KGD4: variants seen among roughly 807,000 people sequenced by gnomAD.
KGD4 encodes alpha-ketoglutarate dehydrogenase component 4.
the KGD4 span, among the ~76,000 whole-genome samples, chr5:69,224,410 A>C: frequency 1.5e-4 from 23 of 151,320 alleles, no homozygotes; most frequent in African/African-American, 5.6e-4. Context: ...AAAGTCTTTT[A>C]TTTGTTTTAC....
At chr5:69,228,285 G>T in the KGD4 span, 2 of 1,609,076 alleles carry the variant, frequency 1.2e-6, no homozygotes, top group East Asian at 2.2e-5. Context: ...CACCAGATTT[G>T]CTGATGTATC....
the KGD4 span, chr5:69,228,418 G>A: frequency 2.8e-4 from 442 of 1,554,714 alleles, 3 homozygotes; most frequent in Non-Finnish European, 6.9e-5. Flanking sequence ...CCAAGACTAC[G>A]CAAAACACCA....
At chr5:69,228,171 A>G in the KGD4 span, 32 of 1,468,992 alleles carry the variant, frequency 2.2e-5, no homozygotes, top group Non-Finnish European at 2.9e-5. Flanking sequence ...CAATTTCTCT[A>G]ATAAGGTCTT....
chr5:69,221,035 G>A, the KGD4 span, among the ~76,000 whole-genome samples: 4 of 152,164 alleles, frequency 2.6e-5, no homozygotes, highest in African/African-American at 7.2e-5. Context: ...ACCCAGGGAC[G>A]TAAACACTGC....
chr5:69,219,059 A>G, the KGD4 span, among the ~76,000 whole-genome samples: 1 of 152,252 alleles, frequency 6.6e-6, no homozygotes, highest in Non-Finnish European at 1.5e-5. Context: ...AAAGGTGCTC[A>G]ATATCATTAC....
chr5:69,217,858 G>C, the KGD4 span: 2 of 1,614,124 alleles, frequency 1.2e-6, no homozygotes, highest in Non-Finnish European at 1.7e-6. Flanking sequence ...GCGTCTGCTA[G>C]TAGGGTCGTT....
the KGD4 span, among the ~76,000 whole-genome samples, chr5:69,222,856 G>A: frequency 1.2e-4 from 18 of 150,456 alleles, no homozygotes; most frequent in East Asian, 7.9e-4. Flanking sequence ...GCTCGATCTC[G>A]GACTTCCACT....
the KGD4 span, among the ~76,000 whole-genome samples, chr5:69,220,238 A>C: frequency 5.9e-5 from 9 of 152,166 alleles, no homozygotes; most frequent in Admixed American, 1.3e-4. Context: ...AAAAAAAAAA[A>C]CAAAAAAACA....
the KGD4 span, among the ~76,000 whole-genome samples, chr5:69,218,994 G>C: frequency 2.0e-5 from 3 of 152,236 alleles, no homozygotes; most frequent in East Asian, 5.8e-4. Context: ...TTAAAAATGG[G>C]TAAAAGACTT....
At chr5:69,219,744 G>C in the KGD4 span, among the ~76,000 whole-genome samples, 20 of 152,064 alleles carry the variant, frequency 1.3e-4, no homozygotes, top group African/African-American at 4.8e-4. Flanking sequence ...AATATCACTT[G>C]AGCCTAGGAG....
the KGD4 span, among the ~76,000 whole-genome samples, chr5:69,227,313 GGGAAAA>G: frequency 6.6e-6 from 1 of 152,134 alleles, no homozygotes; most frequent in Non-Finnish European, 1.5e-5. Context: ...TGCAGAGACT[GGGAAAA>G]TAATAACCAT....
chr5:69,218,198 C>T, the KGD4 span: 1 of 354,316 alleles, frequency 2.8e-6, no homozygotes, highest in South Asian at 5.1e-5. Flanking sequence ...GCGACCCTGG[C>T]GGTAGCCTGG....
the KGD4 span, among the ~76,000 whole-genome samples, chr5:69,220,451 T>A: frequency 6.6e-6 from 1 of 151,742 alleles, no homozygotes; most frequent in African/African-American, 2.4e-5. Flanking sequence ...AGCCAGGAGT[T>A]CAAGATTAGC....
chr5:69,217,962 G>T, the KGD4 span: 181 of 1,602,984 alleles, frequency 1.1e-4, no homozygotes, highest in Non-Finnish European at 1.5e-4. Flanking sequence ...GGTGGCAGAG[G>T]CAGAGCGGTG....
At chr5:69,219,140 A>G in the KGD4 span, among the ~76,000 whole-genome samples, 1 of 152,352 alleles carries the variant, frequency 6.6e-6, no homozygotes, top group Non-Finnish European at 1.5e-5. Flanking sequence ...TTTAGACGTC[A>G]GTGGTGATGA....
At chr5:69,227,178 C>G in the KGD4 span, among the ~76,000 whole-genome samples, 1 of 152,092 alleles carries the variant, frequency 6.6e-6, no homozygotes, top group Admixed American at 6.6e-5. Context: ...CCTTTATTAC[C>G]CCTATTTTAA....
chr5:69,229,504 G>A, the KGD4 span: 1 of 286,800 alleles, frequency 3.5e-6, no homozygotes, highest in Non-Finnish European at 6.4e-6. Flanking sequence ...AACATTACCA[G>A]TGTTGAACTA....
chr5:69,219,341 AAAAG>A, the KGD4 span, among the ~76,000 whole-genome samples: 1 of 152,190 alleles, frequency 6.6e-6, no homozygotes, highest in Non-Finnish European at 1.5e-5. Context: ...TCACAGAAAA[AAAAG>A]AGTTACTAGC....
the KGD4 span, chr5:69,228,533 C>A: frequency 1.4e-6 from 1 of 724,654 alleles, no homozygotes. Context: ...TAGGCCAAGA[C>A]TATGAGAAAG....
Sources: gnomAD v4.1 joint callset for allele counts (sites outside exome capture counted in the v4.1 genomes callset) on GRCh38, gnomAD v4.1.1 for gene constraint, MANE v1.5 for transcripts, NCBI Gene and HGNC (gene_info 2026-07-23, HGNC 2026-07-21) for gene names.